The following EXPH5 variants were observed in gnomAD, a reference collection of about 807,000 sequenced individuals.
EXPH5 encodes exophilin-5.
EXPH5 carries 42 observed loss-of-function variants against 41.1 expected under a neutral mutation model. That is an observed-to-expected ratio of 1.02 (90% confidence interval 0.80 to 1.32). The LOEUF (loss-of-function observed/expected upper bound fraction) is 1.32, where lower values mean the gene tolerates loss of function less well. Ranked by LOEUF, EXPH5 falls within the 40% of genes most tolerant of loss-of-function variation. The probability of loss-of-function intolerance (pLI) is 0.00; values close to 1 mark genes in which losing one functional copy is unlikely to be tolerated. For synonymous variants in EXPH5, 798 were observed against 833.5 expected (o/e 0.96, Z 0.73); for missense variants, 2,298 against 2,314.5 (o/e 0.99, Z 0.15).
chr11:108,562,249 A>T (rs962310976), intron 1 of EXPH5, among the ~76,000 whole-genome samples: 61 of 146,760 alleles, frequency 4.2e-4, no homozygotes, highest in African/African-American at 1.5e-3. Flanking sequence ...CTTTGCCATT[A>T]TACAATTTTT....
chr11:108,588,436 T>A (rs906668059), intron 1 of EXPH5, among the ~76,000 whole-genome samples: 2 of 152,206 alleles, frequency 1.3e-5, no homozygotes, highest in African/African-American at 4.8e-5. Flanking sequence ...TCACTTCAAC[T>A]TTTTGGTACT....
chr11:108,544,124 A>C (rs1297434511), intron 1 of EXPH5, among the ~76,000 whole-genome samples: 1 of 152,202 alleles, frequency 6.6e-6, no homozygotes, highest in African/African-American at 2.4e-5. Context: ...AGTGTTCCAT[A>C]TAAACAACAT....
chr11:108,557,301 A>T (rs2093994272), intron 1 of EXPH5, among the ~76,000 whole-genome samples: 1 of 152,164 alleles, frequency 6.6e-6, no homozygotes, highest in Admixed American at 6.5e-5. Context: ...TCATGCTTGT[A>T]GATTGTATTT....
chr11:108,557,725 T>C (rs2093996072), intron 1 of EXPH5, among the ~76,000 whole-genome samples: 1 of 152,200 alleles, frequency 6.6e-6, no homozygotes, highest in Admixed American at 6.5e-5. Flanking sequence ...ATTGATTATA[T>C]CTCTTGTAGC....
At position 108,528,193 on chromosome 11, in the gene EXPH5, A is replaced by G. The variant is rs141078223; in HGVS notation, c.444-9T>C. ...CTGCATGGCCATCACATCTGTGGAA[A>G]TAATTTGAAATGATTTCTTTGAAGA... On this transcript the variant is annotated splice_polypyrimidine_tract_variant and intron_variant, in intron 3 of 5. Transcript: ENST00000265843. 261 of 1,604,044 alleles carry G rather than the reference A, an allele frequency of 1.6e-4. 1 individual carries two copies. The African/African-American group carries it at 3.1e-3, about 19-fold the overall frequency.
In EXPH5 at chr11:108,580,619, G is replaced by A. The variant is rs139844306; in HGVS notation, c.119+12799C>T. On this transcript the variant is annotated intron_variant, in intron 1 of 5. Coordinates refer to ENST00000265843, the MANE Select transcript of EXPH5 (RefSeq NM_015065.3). Reference sequence around the variant, plus strand: ...ATAGCTATACTTCTATATTTATTGCGGCACTATTCACAATAGCCTAGATAT... The same window carrying A: ...ATAGCTATACTTCTATATTTATTGCAGCACTATTCACAATAGCCTAGATAT... Among the ~76,000 whole-genome samples the A allele has an allele frequency of 7.3e-3, 1,113 of 152,156 alleles. 4 individuals carry two copies. Among genetic ancestry groups the A allele is most frequent in the Non-Finnish European group, 0.011 (745 of 68,002 alleles).
At chr11:108,581,301 T>C (rs1385748071) in intron 1 of EXPH5, among the ~76,000 whole-genome samples, 1 of 151,628 alleles carries the variant, frequency 6.6e-6, no homozygotes, top group African/African-American at 2.4e-5. Context: ...AAGACACTAT[T>C]TCAGAGAAAA....
the EXPH5 span, among the ~76,000 whole-genome samples, chr11:108,600,482 T>A: frequency 6.6e-6 from 1 of 152,216 alleles, no homozygotes; most frequent in East Asian, 1.9e-4. Flanking sequence ...TGGCACAGTA[T>A]GCGGATGATA....
At chr11:108,570,393 C>T (rs1426252101) in intron 1 of EXPH5, among the ~76,000 whole-genome samples, 2 of 151,902 alleles carry the variant, frequency 1.3e-5, no homozygotes, top group Non-Finnish European at 2.9e-5. Flanking sequence ...TAGCTGGGAT[C>T]ACAGGCACAT....
chr11:108,509,835 T>G lies in EXPH5; in HGVS notation c.5672A>C (p.Lys1891Thr). The G allele has an allele frequency of 6.2e-7, 1 of 1,613,714 alleles. No homozygotes were observed. Among genetic ancestry groups the G allele is most frequent in the South Asian group, 1.1e-5 (1 of 90,932 alleles). ...YRPIDYGIFG[K>T]EQQLAFLENV... is the part of the protein sequence containing the mutation. ...TTCTAAGAAAGCTAACTGTTGTTCTTTCCCAAAGATCCCATAGTCGATAGG... is the reference window on the plus strand; with the variant it reads ...TTCTAAGAAAGCTAACTGTTGTTCTGTCCCAAAGATCCCATAGTCGATAGG... Residue 1891 changes from lysine to threonine, a missense_variant, in exon 6 of 6, where the codon AAA becomes ACA. Transcript: ENST00000265843.
At chr11:108,574,706 A>G (rs1043014926) in intron 1 of EXPH5, among the ~76,000 whole-genome samples, 3 of 152,186 alleles carry the variant, frequency 2.0e-5, no homozygotes, top group African/African-American at 4.8e-5. Flanking sequence ...TGCTTTTCTA[A>G]TTCCCTTGCA....
intron 1 of EXPH5, among the ~76,000 whole-genome samples, chr11:108,544,770 T>C (rs1340402889): frequency 6.6e-6 from 1 of 152,104 alleles, no homozygotes; most frequent in East Asian, 1.9e-4. Flanking sequence ...AGCAGGAAAA[T>C]GAAAATACAA....
At chr11:108,546,077 G>C (rs1240614250) in intron 1 of EXPH5, among the ~76,000 whole-genome samples, 1 of 151,996 alleles carries the variant, frequency 6.6e-6, no homozygotes, top group African/African-American at 2.4e-5. Flanking sequence ...CCAGGCAGAG[G>C]GGTAGCCTCT....
rs1157746619 is a variant in EXPH5, at chr11:108,507,269, C to G, written c.*2268G>C. On this transcript the variant is annotated 3_prime_UTR_variant, in exon 6 of 6. Coordinates refer to ENST00000265843, the MANE Select transcript of EXPH5 (RefSeq NM_015065.3). ...CATGGGAACCATGTAAAGTAACCCA[C>G]GCATTTTGCGTCTATGTAAGGGAAT... 6.6e-6 allele frequency: 1 copy of G among 152,148 alleles called. No individual in the cohort carries two copies. The highest frequency in any genetic ancestry group is 1.9e-4 in the East Asian group (1 of 5,190). 9.4% of individuals were successfully genotyped at this position (152,148 alleles called of 1,614,324 possible).
In EXPH5 at chr11:108,505,563, A is replaced by G. The variant is rs1019424605; in HGVS notation, c.*3974T>C. ...AGGATTATTTGACAAAGTTTTAACAAAAGTGCTTACAGCTTATTTGTTTCA... is the reference window on the plus strand; with the variant it reads ...AGGATTATTTGACAAAGTTTTAACAGAAGTGCTTACAGCTTATTTGTTTCA... On this transcript the variant is annotated 3_prime_UTR_variant, in exon 6 of 6. Transcript: ENST00000265843. 2 of 152,220 alleles carry G rather than the reference A, an allele frequency of 1.3e-5. No individual in the cohort carries two copies. The highest frequency in any genetic ancestry group is 2.4e-5 in the African/African-American group (1 of 41,464). 9.4% of individuals were successfully genotyped at this position (152,220 alleles called of 1,614,324 possible).
At chr11:108,573,809 G>A (rs917087947) in intron 1 of EXPH5, among the ~76,000 whole-genome samples, 3 of 152,094 alleles carry the variant, frequency 2.0e-5, no homozygotes, top group African/African-American at 7.2e-5. Context: ...AAAACAAAAG[G>A]TGAAGCAGGA....
chr11:108,546,723 A>G (rs2093939798), intron 1 of EXPH5, among the ~76,000 whole-genome samples: 1 of 152,052 alleles, frequency 6.6e-6, no homozygotes, highest in African/African-American at 2.4e-5. Flanking sequence ...TTTATTTATT[A>G]CTCTCCTAAT....
rs373784338 is a variant in EXPH5, at chr11:108,518,270, C to T, written c.596G>A (p.Trp199Ter). 25 of 1,613,792 alleles carry T rather than the reference C, an allele frequency of 1.5e-5. No homozygotes were observed. The highest frequency in any genetic ancestry group is 1.9e-5 in the Non-Finnish European group (23 of 1,179,918). ...MREESGMPPP[W>*]DASLLENEFF... ...CTCATTCTCCAGCAGTGAAGCATCC[C>T]ACGGTGGAGGCATGCCACTCTCCTC... The change falls in exon 5 of 6, where the codon TGG becomes TAG. Residue 199 changes from tryptophan to a stop codon, truncating the protein, a stop_gained. Transcript: ENST00000265843. LOFTEE classifies it low-confidence loss of function (END_TRUNC).
intron 1 of EXPH5, chr11:108,552,021 A>G (rs1183042753): frequency 6.6e-6 from 1 of 152,166 alleles, no homozygotes; most frequent in Non-Finnish European, 1.5e-5. Context: ...GAGACTCACC[A>G]TCTGGGGAAA....
Sources: allele counts gnomAD v4.1 joint callset (sites outside exome capture counted in the v4.1 genomes callset), GRCh38; gene constraint gnomAD v4.1.1; transcripts MANE v1.5; gene names NCBI Gene and HGNC (gene_info 2026-07-23, HGNC 2026-07-21).